The following OSBPL3 variants were observed in gnomAD, a reference collection of about 807,000 sequenced individuals.
OSBPL3 encodes oxysterol-binding protein-related protein 3.
OSBPL3 carries 65 observed loss-of-function variants against 120.1 expected under a neutral mutation model. The observed-to-expected ratio is 0.54, with a 90% CI of 0.44 to 0.67. The LOEUF (loss-of-function observed/expected upper bound fraction) is 0.67, where lower values mean the gene tolerates loss of function less well. Among genes scored for constraint, OSBPL3 ranks in the 30% least tolerant of loss-of-function variants. The probability of loss-of-function intolerance (pLI) is 0.00; values close to 1 mark genes in which losing one functional copy is unlikely to be tolerated. For synonymous variants in OSBPL3, 416 were observed against 402.6 expected (o/e 1.03, Z -0.40); for missense variants, 1,004 against 1,082.1 (o/e 0.93, Z 1.01).
In OSBPL3 at chr7:24,834,520, T is replaced by C. The variant is rs767047525; in HGVS notation, c.1712A>G (p.Lys571Arg). Residue 571 changes from lysine (K) to arginine (R), a missense_variant, in exon 15 of 23, where the codon AAG (lysine) becomes AGG (arginine). This residue lies in a region of OSBPL3 where 473 missense variants were observed against 568.0 expected (regional missense o/e 0.83). Coordinates refer to ENST00000313367, the MANE Select transcript of OSBPL3 (RefSeq NM_015550.4). The surrounding 1 kb of genome is among the most constrained non-coding windows in gnomAD (Gnocchi z 5.2). ...EELEYSELLD[K>R]AAQIPSPLER... is the part of the protein sequence containing the mutation. ...CAGGGGGCTGGGAATCTGCGCGGCC[T>C]TGTCCAGGAGCTCGCTGTACTCCAG... 1 of 1,613,794 alleles carries C rather than the reference T, an allele frequency of 6.2e-7. No individual in the cohort carries two copies. Among genetic ancestry groups the C allele is most frequent in the South Asian group, 1.1e-5 (1 of 91,034 alleles).
intron 1 of OSBPL3, among the ~76,000 whole-genome samples, chr7:24,945,568 A>T (rs978423147): frequency 1.3e-5 from 2 of 152,256 alleles, no homozygotes; most frequent in African/African-American, 4.8e-5. Context: ...GAACACAATG[A>T]TTCCAAATGT....
intron 20 of OSBPL3, 104 bp from the exon 21 acceptor site, chr7:24,807,006 C>T: frequency 1.1e-6 from 1 of 913,074 alleles, no homozygotes; most frequent in Non-Finnish European, 1.6e-6. Flanking sequence ...TTTTCTCTCT[C>T]AGCTCCCTTC....
In OSBPL3 at chr7:24,813,501, C is replaced by T. The variant is rs763730438; in HGVS notation, c.2172+1558G>A. ...GGTAACATATCCCTGCTTCAGGTTG[C>T]CTTTTGTTTCTGTTTGCAGAGAGCT... On this transcript the variant is annotated intron_variant, in intron 19 of 22. Transcript: ENST00000313367. This position sits in a 1 kb window ranked among gnomAD's most constrained non-coding sequence, Gnocchi z 4.5. Among the ~76,000 whole-genome samples, 1 of 152,150 alleles carries T rather than the reference C, an allele frequency of 6.6e-6. No homozygotes were observed. The highest frequency in any genetic ancestry group is 2.4e-5 in the African/African-American group (1 of 41,436).
At position 24,847,466 on chromosome 7, in the gene OSBPL3, C is replaced by T. The variant is rs376729147; in HGVS notation, c.1266+1603G>A. On this transcript the variant is annotated intron_variant, in intron 12 of 22. Coordinates refer to ENST00000313367, the MANE Select transcript of OSBPL3 (RefSeq NM_015550.4). Reference sequence around the variant, plus strand: ...TTTGAAGGATGTTATTGTTACCTCTCAAGGACAGTGTATAGCATTTCAGCT... The same window carrying T: ...TTTGAAGGATGTTATTGTTACCTCTTAAGGACAGTGTATAGCATTTCAGCT... 3.9e-5 allele frequency among the ~76,000 whole-genome samples: 6 copies of T among 152,192 alleles called. No homozygotes were observed. In the East Asian group the frequency reaches 7.7e-4, roughly 20 times the overall value.
chr7:24,876,407 A>C (rs907586464), intron 2 of OSBPL3, among the ~76,000 whole-genome samples: 1 of 141,524 alleles, frequency 7.1e-6, no homozygotes, highest in African/African-American at 2.6e-5. Context: ...TTTAGCAATT[A>C]ATTAACTTCT....
chr7:24,890,349 T>C (rs968510111), intron 2 of OSBPL3, among the ~76,000 whole-genome samples: 3 of 152,202 alleles, frequency 2.0e-5, no homozygotes, highest in Non-Finnish European at 4.4e-5. Context: ...GTGTCATCCT[T>C]GTATTTAGCA....
chr7:24,916,595 C>A lies in OSBPL3; in HGVS notation c.-149-23974G>T, dbSNP rs1188102890. Among the ~76,000 whole-genome samples the A allele has an allele frequency of 6.6e-6, 1 of 152,022 alleles. No individual in the cohort carries two copies. The highest frequency in any genetic ancestry group is 1.5e-5 in the Non-Finnish European group (1 of 68,020). On this transcript the variant is annotated intron_variant, in intron 1 of 22. Coordinates refer to ENST00000313367, the MANE Select transcript of OSBPL3 (RefSeq NM_015550.4). This position sits in a 1 kb window ranked among gnomAD's most constrained non-coding sequence, Gnocchi z 4.9. ...CCAACCTCAGATTCTGACTCATATA[C>A]CTCCATCAGTCTTCTTCATTCCCTG...
At position 24,892,584 on chromosome 7, in the gene OSBPL3, A is replaced by G; in HGVS notation, c.-112T>C. On this transcript the variant is annotated 5_prime_UTR_variant, in exon 2 of 23. Coordinates refer to ENST00000313367, the MANE Select transcript of OSBPL3 (RefSeq NM_015550.4). ...GGTTTAGCTCTTATCCAAAGTATTT[A>G]AAAAACATTTTGGGTGGCCCAAAGG... 1.4e-6 allele frequency: 2 copies of G among 1,441,246 alleles called. No homozygotes were observed. Among genetic ancestry groups the G allele is most frequent in the South Asian group, 1.5e-5 (1 of 66,686 alleles). The allele number at this position is 1,441,246 out of a possible 1,614,324, so 89.3% of individuals were successfully genotyped here. A position where few individuals can be genotyped will look rare whatever the true frequency, so the allele number is the denominator to read the frequency against.
intron 2 of OSBPL3, among the ~76,000 whole-genome samples, chr7:24,884,869 T>C (rs2128318956): frequency 6.6e-6 from 1 of 152,282 alleles, no homozygotes; most frequent in South Asian, 2.1e-4. Context: ...AACCACGATG[T>C]TTCCAAGGTC....
At chr7:24,945,658 G>C (rs556949979) in intron 1 of OSBPL3, among the ~76,000 whole-genome samples, 1 of 152,194 alleles carries the variant, frequency 6.6e-6, no homozygotes, top group East Asian at 1.9e-4. Flanking sequence ...AGAAGTACAC[G>C]TAAGACCCTG....
rs976438701 is a variant in OSBPL3 at position 24,953,039 on chromosome 7, G to A, written c.-150+26847C>T. Reference sequence around the variant, plus strand: ...GTAGTCCCACCTACTTGAGAGACTAGGATAGGAGGGTCACTTGAGCCTAGG... The same window carrying A: ...GTAGTCCCACCTACTTGAGAGACTAAGATAGGAGGGTCACTTGAGCCTAGG... On this transcript the variant is annotated intron_variant, in intron 1 of 22. Coordinates refer to ENST00000313367, the MANE Select transcript of OSBPL3 (RefSeq NM_015550.4). The surrounding 1 kb of genome is among the most constrained non-coding windows in gnomAD (Gnocchi z 4.3). Among the ~76,000 whole-genome samples the A allele has an allele frequency of 5.3e-5, 8 of 152,108 alleles. No homozygotes were observed. Among genetic ancestry groups the A allele is most frequent in the African/African-American group, 1.9e-4 (8 of 41,420 alleles).
chr7:24,949,854 T>C (rs1468666056), intron 1 of OSBPL3, among the ~76,000 whole-genome samples: 1 of 152,214 alleles, frequency 6.6e-6, no homozygotes, highest in Non-Finnish European at 1.5e-5. Flanking sequence ...CCCTCAGCGC[T>C]GCTTCCTAAG....
At position 24,852,601 on chromosome 7, in the gene OSBPL3, A is replaced by G; in HGVS notation, c.1061T>C (p.Met354Thr). ...CTTCAGTTTCTCTCTCTCCGCTGACATGATATTAAAAGCTGACCTTAAAGT... is the reference window on the plus strand; with the variant it reads ...CTTCAGTTTCTCTCTCTCCGCTGACGTGATATTAAAAGCTGACCTTAAAGT... ...YFTLRSAFNIMSAEREKLKQL... is the reference protein window; with the variant it reads ...YFTLRSAFNITSAEREKLKQL... Residue 354 changes from methionine to threonine, a missense_variant, in exon 11 of 23, where the codon ATG (methionine) becomes ACG (threonine). By Grantham distance (81) the Met-to-Thr change is moderately conservative (BLOSUM62 -1). Transcript: ENST00000313367. This position sits in a 1 kb window ranked among gnomAD's most constrained non-coding sequence, Gnocchi z 4.1. The G allele has an allele frequency of 1.2e-6, 2 of 1,606,196 alleles. No homozygotes were observed. Among genetic ancestry groups the G allele is most frequent in the Non-Finnish European group, 1.7e-6 (2 of 1,177,236 alleles).
chr7:24,834,554 A>G lies in OSBPL3; in HGVS notation c.1678T>C (p.Cys560Arg). The change falls in exon 15 of 23, where the codon TGC (cysteine) becomes CGC (arginine). Residue 560 changes from cysteine to arginine, a missense_variant. Cys to Arg is a radical substitution (Grantham distance 180). Around this residue, in one of 4 missense-constraint regions of OSBPL3, gnomAD observed 473 missense variants for 568.0 expected, o/e 0.83. Coordinates refer to ENST00000313367, the MANE Select transcript of OSBPL3 (RefSeq NM_015550.4). The surrounding 1 kb of genome is among the most constrained non-coding windows in gnomAD (Gnocchi z 5.2). Reference sequence around the variant, plus strand: ...AGCTCGCTGTACTCCAGCTCCTCGCAGAGCCTCTGCAGCGTGTTCAGGGGC... The same window carrying G: ...AGCTCGCTGTACTCCAGCTCCTCGCGGAGCCTCTGCAGCGTGTTCAGGGGC... ...NEPLNTLQRL[C>R]EELEYSELLD... 3 of 1,614,180 alleles carry G rather than the reference A, an allele frequency of 1.9e-6. No homozygotes were observed. The highest frequency in any genetic ancestry group is 1.7e-6 in the Non-Finnish European group (2 of 1,180,024).
At chr7:24,948,768 T>C (rs1451618036) in intron 1 of OSBPL3, among the ~76,000 whole-genome samples, 1 of 152,180 alleles carries the variant, frequency 6.6e-6, no homozygotes, top group Non-Finnish European at 1.5e-5. Flanking sequence ...ACATCAGAAG[T>C]ATCTTAACTG....
rs1800560546 is a variant in OSBPL3, at chr7:24,861,696, T to G, written c.944A>C (p.Glu315Ala). ...AGAGCCATCAGAATAATTTTTCTCT[T>G]CTCCAAAATCTAGTGTTGACAAATT... ...NPNLSTLDFG[E>A]EKNYSDGSET... The change falls in exon 10 of 23, where the codon GAA becomes GCA. Residue 315 changes from glutamate to alanine, a missense_variant. Glu to Ala is a moderately radical substitution (Grantham distance 107). Around this residue, in one of 4 missense-constraint regions of OSBPL3, gnomAD observed 272 missense variants for 248.8 expected, o/e 1.09. Coordinates refer to ENST00000313367, the MANE Select transcript of OSBPL3 (RefSeq NM_015550.4). The G allele has an allele frequency of 1.2e-6, 2 of 1,612,178 alleles. No homozygotes were observed. Among genetic ancestry groups the G allele is most frequent in the Non-Finnish European group, 1.7e-6 (2 of 1,178,524 alleles).
rs764014626 is a variant in OSBPL3 at position 24,849,643 on chromosome 7, T to C, written c.1159-467A>G. Among the ~76,000 whole-genome samples, 9 of 152,168 alleles carry C rather than the reference T, an allele frequency of 5.9e-5. No homozygotes were observed. Among genetic ancestry groups the C allele is most frequent in the South Asian group, 2.1e-4 (1 of 4,828 alleles). ...CAATGTTACTTAATTATCATACCCA[T>C]TGAATCAGATTTTAGAAAGTGTGCT... On this transcript the variant is annotated intron_variant, in intron 11 of 22. Transcript: ENST00000313367. The surrounding 1 kb of genome is among the most constrained non-coding windows in gnomAD (Gnocchi z 5.4).
Position 24,938,839 on chromosome 7 carries a change from A to G in OSBPL3, c.-150+41047T>C, listed in dbSNP as rs1200446325. The stretch of plus-strand genomic sequence containing the variant: ...TGTGTGTGTGTGTGTGTGTGTTTTG[A>G]GAGCAAAACTAATGTGGCCAAGAAA... On this transcript the variant is annotated intron_variant, in intron 1 of 22. Coordinates refer to ENST00000313367, the MANE Select transcript of OSBPL3 (RefSeq NM_015550.4). This position sits in a 1 kb window ranked among gnomAD's most constrained non-coding sequence, Gnocchi z 5.8. Among the ~76,000 whole-genome samples the G allele has an allele frequency of 7.9e-6, 1 of 126,624 alleles. No homozygotes were observed. Among genetic ancestry groups the G allele is most frequent in the Non-Finnish European group, 1.7e-5 (1 of 57,774 alleles). 83.1% of individuals were successfully genotyped at this position (126,624 alleles called of 152,430 possible). A position where few individuals can be genotyped will look rare whatever the true frequency, so the allele number is the denominator to read the frequency against.
At position 24,936,992 on chromosome 7, in the gene OSBPL3, G is replaced by C. The variant is rs1303348385; in HGVS notation, c.-150+42894C>G. Among the ~76,000 whole-genome samples, 1 of 152,138 alleles carries C rather than the reference G, an allele frequency of 6.6e-6. No homozygotes were observed. The highest frequency in any genetic ancestry group is 1.5e-5 in the Non-Finnish European group (1 of 68,022). ...AAGGATACTGTATTAGTCCATTCTT[G>C]TGCTGCTAATAAAGACATACCCAAG... On this transcript the variant is annotated intron_variant, in intron 1 of 22. Coordinates refer to ENST00000313367, the MANE Select transcript of OSBPL3 (RefSeq NM_015550.4). This position sits in a 1 kb window ranked among gnomAD's most constrained non-coding sequence, Gnocchi z 4.2.
Sources: gnomAD v4.1 joint callset for allele counts (sites outside exome capture counted in the v4.1 genomes callset) on GRCh38, gnomAD v4.1.1 for gene constraint, gnomAD v4.1.1 regional missense constraint, Gnocchi (gnomAD v3.1) non-coding constraint, MANE v1.5 for transcripts, NCBI Gene and HGNC (gene_info 2026-07-23, HGNC 2026-07-21) for gene names.